Variants in EYS observed in about 807,000 individuals in gnomAD.
The protein encoded by EYS is protein eyes shut homolog.
A neutral mutation model predicts 282.1 loss-of-function variants in EYS; 250 were observed. The ratio of observed to expected loss-of-function variants is 0.89; its 90% CI spans 0.80 to 0.98. EYS has a LOEUF of 0.98. Ranked by LOEUF, EYS falls within the 50% of genes least tolerant of loss-of-function variation. EYS has a pLI of 0.00. For synonymous variants in EYS, 1,355 were observed against 1,282.9 expected (o/e 1.06, Z -1.20); for missense variants, 4,016 against 3,709.0 (o/e 1.08, Z -2.15).
intron 42 of EYS, among the ~76,000 whole-genome samples, chr6:63,724,225 C>T (rs1231651382): frequency 6.6e-6 from 1 of 152,154 alleles, no homozygotes; most frequent in Non-Finnish European, 1.5e-5. Flanking sequence ...TCAACCATGG[C>T]TGAGGCTTCT....
At chr6:63,734,405 C>G (rs1292805028) in intron 41 of EYS, among the ~76,000 whole-genome samples, 2 of 152,076 alleles carry the variant, frequency 1.3e-5, no homozygotes, top group Admixed American at 1.3e-4. Flanking sequence ...AAGCTTTGAG[C>G]AGAGGAGTGT....
At chr6:65,417,447 CT>C (rs1215710408) in intron 5 of EYS, among the ~76,000 whole-genome samples, 1 of 152,034 alleles carries the variant, frequency 6.6e-6, no homozygotes, top group African/African-American at 2.4e-5. Flanking sequence ...AGCTCTTCCA[CT>C]TAAATTACTA....
In EYS at chr6:65,168,472, T is replaced by C. The variant is rs563038243; in HGVS notation, c.2024-110745A>G. On this transcript the variant is annotated intron_variant, in intron 12 of 42. Transcript: ENST00000503581. ...AGGTGTGGTATAGGCCTCCTTCCTATCTCTTCACTGTCTCTTCCCTGTAAC... is the reference window on the plus strand; with the variant it reads ...AGGTGTGGTATAGGCCTCCTTCCTACCTCTTCACTGTCTCTTCCCTGTAAC... Among the ~76,000 whole-genome samples the C allele has an allele frequency of 9.9e-5, 15 of 151,358 alleles. No individual in the cohort carries two copies. The East Asian group carries it at 2.8e-3, about 28-fold the overall frequency.
At chr6:65,570,799 A>G (rs1032168685) in intron 2 of EYS, among the ~76,000 whole-genome samples, 1 of 152,186 alleles carries the variant, frequency 6.6e-6, no homozygotes, top group East Asian at 1.9e-4. Flanking sequence ...CTGCTTCTGG[A>G]AACTTCAGCC....
intron 26 of EYS, among the ~76,000 whole-genome samples, chr6:64,521,144 C>A (rs1397607929): frequency 6.6e-6 from 1 of 151,744 alleles, no homozygotes; most frequent in Non-Finnish European, 1.5e-5. Flanking sequence ...CAGCCTGTGA[C>A]TGACTTAAAG....
chr6:65,398,653 C>A (rs1381891278), intron 7 of EYS, among the ~76,000 whole-genome samples: 1 of 152,012 alleles, frequency 6.6e-6, no homozygotes, highest in Non-Finnish European at 1.5e-5. Flanking sequence ...TTCTGCACAG[C>A]AAGTTTCCTG....
chr6:65,262,781 G>T (rs890005250), intron 12 of EYS, among the ~76,000 whole-genome samples: 1 of 151,988 alleles, frequency 6.6e-6, no homozygotes. Flanking sequence ...GCTCATGTAG[G>T]TATCTCTATA....
chr6:64,049,139 T>A (rs921160627), intron 33 of EYS, among the ~76,000 whole-genome samples: 1 of 152,178 alleles, frequency 6.6e-6, no homozygotes, highest in Admixed American at 6.6e-5. Flanking sequence ...ACATAAACAG[T>A]GATCAGTTGT....
chr6:64,840,702 G>T (rs1765536609), intron 19 of EYS, among the ~76,000 whole-genome samples: 1 of 152,090 alleles, frequency 6.6e-6, no homozygotes, highest in African/African-American at 2.4e-5. Context: ...TAAGAAAAAA[G>T]AATGTAGATG....
intron 5 of EYS, among the ~76,000 whole-genome samples, chr6:65,463,931 A>T (rs1764905322): frequency 6.6e-6 from 1 of 152,182 alleles, no homozygotes; most frequent in African/African-American, 2.4e-5. Context: ...CTGTGATGGT[A>T]TATAATTTTA....
chr6:64,133,894 G>T (rs1486127598), intron 31 of EYS, among the ~76,000 whole-genome samples: 2 of 151,564 alleles, frequency 1.3e-5, no homozygotes, highest in African/African-American at 4.9e-5. Flanking sequence ...ATCCCCTAAA[G>T]GATGACTGGG....
chr6:64,742,234 C>T (rs528115141), intron 22 of EYS, among the ~76,000 whole-genome samples: 2 of 152,134 alleles, frequency 1.3e-5, no homozygotes, highest in East Asian at 1.9e-4. Context: ...TAAAGAAGAG[C>T]GAGTTTGTGG....
At chr6:65,309,603 A>C (rs1348783109) in intron 11 of EYS, among the ~76,000 whole-genome samples, 1 of 152,180 alleles carries the variant, frequency 6.6e-6, no homozygotes, top group East Asian at 1.9e-4. Flanking sequence ...TAATCAGCTC[A>C]CCAACCCCAA....
chr6:64,692,276 G>A (rs1291676006), intron 22 of EYS, among the ~76,000 whole-genome samples: 4 of 152,128 alleles, frequency 2.6e-5, no homozygotes, highest in African/African-American at 9.7e-5. Context: ...TCTTATGTCT[G>A]TAGGCCACTT....
intron 29 of EYS, among the ~76,000 whole-genome samples, chr6:64,328,961 C>A (rs774526186): frequency 9.2e-5 from 14 of 152,086 alleles, no homozygotes; most frequent in Non-Finnish European, 1.9e-4. Flanking sequence ...ATAAAGGCAA[C>A]AATCAGGGAC....
intron 2 of EYS, among the ~76,000 whole-genome samples, chr6:65,596,450 A>T (rs1021044088): frequency 5.9e-5 from 9 of 152,122 alleles, no homozygotes; most frequent in African/African-American, 1.9e-4. Flanking sequence ...AAAGGCCTAC[A>T]TTACTGAATA....
intron 26 of EYS, among the ~76,000 whole-genome samples, chr6:64,478,227 TTAATA>T (rs1419715526): frequency 6.6e-6 from 1 of 151,894 alleles, no homozygotes; most frequent in Non-Finnish European, 1.5e-5. Flanking sequence ...TGCAATTTTA[TTAATA>T]TATTATGTTT....
intron 12 of EYS, among the ~76,000 whole-genome samples, chr6:65,146,373 A>G (rs1363981091): frequency 6.6e-6 from 1 of 151,958 alleles, no homozygotes; most frequent in Non-Finnish European, 1.5e-5. Flanking sequence ...AATTCCTAAT[A>G]GTTCTTAGGG....
chr6:63,962,519 T>C (rs1437240827), intron 35 of EYS, among the ~76,000 whole-genome samples: 1 of 152,192 alleles, frequency 6.6e-6, no homozygotes, highest in Non-Finnish European at 1.5e-5. Context: ...ATGCTCATCA[T>C]CACTGGCCAT....
Sources: allele counts gnomAD v4.1 joint callset (sites outside exome capture counted in the v4.1 genomes callset), GRCh38; gene constraint gnomAD v4.1.1; transcripts MANE v1.5; gene names NCBI Gene and HGNC (gene_info 2026-07-23, HGNC 2026-07-21).